The following PCDH15 variants were observed in gnomAD, a reference collection of about 807,000 sequenced individuals.
The protein encoded by PCDH15 is protocadherin-15.
A neutral mutation model predicts 178.5 loss-of-function variants in PCDH15; 129 were observed. The ratio of observed to expected loss-of-function variants is 0.72; its 90% CI spans 0.63 to 0.84. The LOEUF is 0.84. Among genes scored for constraint, PCDH15 ranks in the 40% least tolerant of loss-of-function variants. PCDH15 has a pLI of 0.00. For missense variants in PCDH15, 2,230 were observed against 2,099.9 expected, an observed-to-expected ratio of 1.06 and a Z score of -1.21; for synonymous variants, 800 against 732.0, an observed-to-expected ratio of 1.09 and a Z score of -1.50.
chr10:54,070,800 A>G (rs964561490), intron 17 of PCDH15, among the ~76,000 whole-genome samples: 1 of 151,836 alleles, frequency 6.6e-6, no homozygotes, highest in Non-Finnish European at 1.5e-5. Flanking sequence ...GAGTCTCAGT[A>G]TGTTGCCTAG....
At chr10:54,991,936 A>C (rs1192549435) in intron 2 of PCDH15, among the ~76,000 whole-genome samples, 1 of 152,080 alleles carries the variant, frequency 6.6e-6, no homozygotes, top group Non-Finnish European at 1.5e-5. Flanking sequence ...CAAAACTATT[A>C]TTTGAGTTTA....
chr10:54,795,936 C>T (rs959102307), intron 1 of PCDH15, among the ~76,000 whole-genome samples: 1 of 151,764 alleles, frequency 6.6e-6, no homozygotes, highest in Admixed American at 6.6e-5. Context: ...GGTTTCAGGT[C>T]CTGTGCTTGC....
intron 1 of PCDH15, among the ~76,000 whole-genome samples, chr10:54,740,445 C>G (rs753963746): frequency 2.6e-5 from 4 of 151,310 alleles, no homozygotes; most frequent in Non-Finnish European, 5.9e-5. Context: ...ATTGGTACAG[C>G]CACTATGGAG....
At chr10:55,571,840 C>T (rs1217748152) in intron 2 of PCDH15, among the ~76,000 whole-genome samples, 1 of 151,912 alleles carries the variant, frequency 6.6e-6, no homozygotes, top group Non-Finnish European at 1.5e-5. Flanking sequence ...TGCCAACTTG[C>T]CTTAGATTCT....
At chr10:55,159,647 G>A (rs1310698308) in intron 2 of PCDH15, among the ~76,000 whole-genome samples, 2 of 147,196 alleles carry the variant, frequency 1.4e-5, no homozygotes, top group African/African-American at 2.5e-5. Flanking sequence ...TATATATAAA[G>A]AGATAAAGAG....
chr10:54,306,016 T>A (rs1343445246), intron 8 of PCDH15, among the ~76,000 whole-genome samples: 1 of 151,958 alleles, frequency 6.6e-6, no homozygotes, highest in Non-Finnish European at 1.5e-5. Flanking sequence ...TATGATTACT[T>A]AATAAGAAGC....
intron 1 of PCDH15, among the ~76,000 whole-genome samples, chr10:54,687,276 AC>A (rs2095030057): frequency 6.6e-6 from 1 of 152,134 alleles, no homozygotes; most frequent in African/African-American, 2.4e-5. Flanking sequence ...AAATGGAACT[AC>A]CATATGATTC....
At chr10:55,186,262 A>C (rs1237301669) in intron 1 of PCDH15, among the ~76,000 whole-genome samples, 5 of 151,418 alleles carry the variant, frequency 3.3e-5, no homozygotes, top group Non-Finnish European at 7.4e-5. Context: ...TAATTATTCC[A>C]CTCTATGTTT....
chr10:54,126,559 G>A (rs2042006167), intron 15 of PCDH15, among the ~76,000 whole-genome samples: 3 of 151,962 alleles, frequency 2.0e-5, no homozygotes, highest in Admixed American at 2.0e-4. Flanking sequence ...TAGCTAATGT[G>A]AGATACATCT....
chr10:54,596,987 C>A (rs932083056), intron 2 of PCDH15, among the ~76,000 whole-genome samples: 1 of 152,052 alleles, frequency 6.6e-6, no homozygotes, highest in African/African-American at 2.4e-5. Context: ...GGCTACTACA[C>A]AATAATACGG....
intron 3 of PCDH15, among the ~76,000 whole-genome samples, chr10:54,521,886 G>A (rs915748894): frequency 2.0e-5 from 3 of 151,850 alleles, no homozygotes; most frequent in African/African-American, 4.8e-5. Flanking sequence ...TCAGGAGATC[G>A]AGACCACCCT....
At chr10:55,548,210 GCACACACACACACACACACACA>G (rs200097115) in intron 2 of PCDH15, among the ~76,000 whole-genome samples, 6 of 121,190 alleles carry the variant, frequency 5.0e-5, no homozygotes, top group African/African-American at 1.7e-4. Context: ...AATGCCTAAT[GCACACACACACACACACACACA>G]CACACACACA....
intron 21 of PCDH15, among the ~76,000 whole-genome samples, chr10:53,976,486 C>T (rs933455352): frequency 5.3e-5 from 8 of 152,160 alleles, no homozygotes; most frequent in Admixed American, 2.6e-4. Flanking sequence ...TTGCTTTTGT[C>T]TTTGCCTGTA....
intron 5 of PCDH15, among the ~76,000 whole-genome samples, chr10:54,353,486 TATA>T (rs1024339192): frequency 3.3e-5 from 5 of 152,092 alleles, no homozygotes; most frequent in African/African-American, 4.8e-5. Flanking sequence ...ACACAAAAAA[TATA>T]ATATTTTTAT....
intron 1 of PCDH15, among the ~76,000 whole-genome samples, chr10:54,779,230 C>T (rs1950018172): frequency 6.6e-6 from 1 of 151,044 alleles, no homozygotes; most frequent in Non-Finnish European, 1.5e-5. Context: ...AGTCAAAATC[C>T]ACTACAATGA....
intron 2 of PCDH15, among the ~76,000 whole-genome samples, chr10:54,612,623 C>T (rs1454155576): frequency 6.6e-6 from 1 of 151,474 alleles, no homozygotes; most frequent in African/African-American, 2.4e-5. Flanking sequence ...GTGTGTGGCT[C>T]TTTTTATATT....
chr10:55,219,754 C>A (rs1279900638), intron 1 of PCDH15, among the ~76,000 whole-genome samples: 1 of 151,428 alleles, frequency 6.6e-6, no homozygotes, highest in Non-Finnish European at 1.5e-5. Flanking sequence ...CCGTTTCCAG[C>A]TAACATAATG....
chr10:54,144,892 T>C (rs1220189692), intron 14 of PCDH15, among the ~76,000 whole-genome samples: 1 of 152,186 alleles, frequency 6.6e-6, no homozygotes, highest in African/African-American at 2.4e-5. Flanking sequence ...ATTCAAAATC[T>C]GCTTTCCATT....
chr10:55,031,839 C>A (rs1430316451), intron 2 of PCDH15, among the ~76,000 whole-genome samples: 1 of 152,142 alleles, frequency 6.6e-6, no homozygotes, highest in Non-Finnish European at 1.5e-5. Context: ...ACTTTCCAAC[C>A]CCCAGAGCTA....
Sources: allele counts gnomAD v4.1 joint callset (sites outside exome capture counted in the v4.1 genomes callset), GRCh38; gene constraint gnomAD v4.1.1; transcripts MANE v1.5; gene names NCBI Gene and HGNC (gene_info 2026-07-23, HGNC 2026-07-21).